The following F5 variants were observed in gnomAD, a reference collection of about 807,000 sequenced individuals.
F5 encodes the protein coagulation factor V.
A neutral mutation model predicts 216.4 loss-of-function variants in F5; 138 were observed. That is an observed-to-expected ratio of 0.64 (90% CI 0.56 to 0.73). The LOEUF is 0.73. Ranked by LOEUF, F5 falls within the 30% of genes least tolerant of loss-of-function variation. The probability of loss-of-function intolerance (pLI) is 0.00; values close to 1 mark genes in which losing one functional copy is unlikely to be tolerated. For synonymous variants in F5, 916 were observed against 930.7 expected (o/e 0.98, Z 0.29); for missense variants, 2,403 against 2,674.0 (o/e 0.90, Z 2.24).
At chr1:169,585,733 T>A (rs1391311023) in intron 1 of F5, among the ~76,000 whole-genome samples, 3 of 152,226 alleles carry the variant, frequency 2.0e-5, no homozygotes, top group Non-Finnish European at 4.4e-5. Context: ...AAGTCATTTA[T>A]AAGGCAGCAA....
In F5 at chr1:169,521,168, C is replaced by T. The variant is rs1659295478; in HGVS notation, c.6049-504G>A. ...CACTGACTTCTGTCCTTTAGTCAAACACCACAGAAAAACCTGAGGCCCCTC... is the reference window on the plus strand; with the variant it reads ...CACTGACTTCTGTCCTTTAGTCAAATACCACAGAAAAACCTGAGGCCCCTC... On this transcript the variant is annotated intron_variant, in intron 21 of 24. Coordinates refer to ENST00000367797, the MANE Select transcript of F5 (RefSeq NM_000130.5). Among the ~76,000 whole-genome samples the T allele has an allele frequency of 2.0e-5, 3 of 152,166 alleles. No individual in the cohort carries two copies. The South Asian group carries it at 6.2e-4, about 32-fold the overall frequency.
intron 3 of F5, among the ~76,000 whole-genome samples, chr1:169,571,059 G>C (rs2101839292): frequency 6.6e-6 from 1 of 151,462 alleles, no homozygotes; most frequent in Admixed American, 6.6e-5. Flanking sequence ...ATATTTAAAT[G>C]TGAACCATGA....
chr1:169,533,854 A>AACT (rs1354036678), intron 14 of F5, among the ~76,000 whole-genome samples: 2 of 152,098 alleles, frequency 1.3e-5, no homozygotes, highest in Non-Finnish European at 2.9e-5. Context: ...TTTGAAACAG[A>AACT]ACTACTATTT....
At chr1:169,525,523 A>G (rs1047392873) in intron 18 of F5, among the ~76,000 whole-genome samples, 2 of 152,174 alleles carry the variant, frequency 1.3e-5, no homozygotes, top group African/African-American at 2.4e-5. Context: ...GGATGAACAG[A>G]TGGACAGATG....
intron 3 of F5, among the ~76,000 whole-genome samples, chr1:169,565,684 G>A (rs1366939529): frequency 6.6e-6 from 1 of 152,084 alleles, no homozygotes. Flanking sequence ...GAATTTTGTT[G>A]GATCTGGATC....
rs766901511 is a variant in F5 at position 169,586,195 on chromosome 1, A to G, written c.158+34T>C. ...CTAAAAGAAATAGATTTTCCTCTCT[A>G]GAGAAGCCCACCCGGACTCCACACC... is the stretch of plus-strand genomic sequence containing the variant. On this transcript the variant is annotated intron_variant, in intron 1 of 24. Coordinates refer to ENST00000367797, the MANE Select transcript of F5 (RefSeq NM_000130.5). The G allele has an allele frequency of 7.4e-6, 12 of 1,612,912 alleles. No homozygotes were observed. The South Asian group carries it at 1.3e-4, about 18-fold the overall frequency.
rs111310239 is a variant in F5 at position 169,564,610 on chromosome 1, T to A, written c.374-3844A>T. Among the ~76,000 whole-genome samples the A allele has an allele frequency of 4.9e-4, 74 of 152,210 alleles. No individual in the cohort carries two copies. The Middle Eastern group carries it at 0.01, about 21-fold the overall frequency. The stretch of plus-strand genomic sequence containing the variant: ...TGTTGAGAAAAAGGGTAAATCTGGT[T>A]CCTTATGTTCTGAAGCCAAAGTCTG... On this transcript the variant is annotated intron_variant, in intron 3 of 24. Transcript: ENST00000367797.
chr1:169,533,747 T>C (rs1037004192), intron 14 of F5, among the ~76,000 whole-genome samples: 5 of 152,074 alleles, frequency 3.3e-5, no homozygotes, highest in African/African-American at 1.2e-4. Context: ...AAAAAATAGA[T>C]GCTGGTGAGG....
chr1:169,536,399 G>T, intron 14 of F5, 107 bp downstream of exon 14: 1 of 930,446 alleles, frequency 1.1e-6, no homozygotes, highest in Non-Finnish European at 1.7e-6. Context: ...CATTAATCCT[G>T]GAAAACAAAC....
chr1:169,582,297 T>A, intron 2 of F5, 134 bp downstream of exon 2: 1 of 518,196 alleles, frequency 1.9e-6, no homozygotes, highest in Non-Finnish European at 3.4e-6. Flanking sequence ...ACATATTATG[T>A]AGCCAGTACT....
chr1:169,549,251 G>A (rs954738206), intron 10 of F5, among the ~76,000 whole-genome samples: 1 of 152,088 alleles, frequency 6.6e-6, no homozygotes, highest in Non-Finnish European at 1.5e-5. Context: ...CAGTATCTTT[G>A]TTCACATTCT....
At chr1:169,584,711 A>G (rs1661064858) in intron 1 of F5, among the ~76,000 whole-genome samples, 1 of 152,366 alleles carries the variant, frequency 6.6e-6, no homozygotes, top group Non-Finnish European at 1.5e-5. Context: ...AGCCAGATAT[A>G]TGGATTAGAT....
In F5 at chr1:169,542,459, C is replaced by T. The variant is rs145436688; in HGVS notation, c.2631G>A (p.Lys877=). ...GPKVERDQAA[K]HRFSWMKLLA... ...GTAATTTCATCCAGGAGAACCTGTGCTTTGCTGCTTGATCTCTTTCTACCT... is the reference window on the plus strand; with the variant it reads ...GTAATTTCATCCAGGAGAACCTGTGTTTTGCTGCTTGATCTCTTTCTACCT... The change falls in exon 13 of 25, where the codon AAG becomes AAA. Residue 877 remains lysine, a synonymous_variant. Coordinates refer to ENST00000367797, the MANE Select transcript of F5 (RefSeq NM_000130.5). The T allele has an allele frequency of 6.6e-5, 107 of 1,613,986 alleles. No individual in the cohort carries two copies. The highest frequency in any genetic ancestry group is 8.6e-5 in the Non-Finnish European group (102 of 1,180,002).
chr1:169,544,357 C>T lies in F5; in HGVS notation c.1914G>A (p.Glu638=). The T allele has an allele frequency of 6.2e-7, 1 of 1,614,124 alleles. No homozygotes were observed. The highest frequency in any genetic ancestry group is 8.5e-7 in the Non-Finnish European group (1 of 1,180,000). Residue 638 remains glutamate (E), a synonymous_variant, in exon 12 of 25, where the codon GAG becomes GAA. Coordinates refer to ENST00000367797, the MANE Select transcript of F5 (RefSeq NM_000130.5). Reference sequence around the variant, plus strand: ...GCATGGGGAAGAGGGTCAAGGTGTCCTCATGCCTCTTTCCATAGATGAATG... The same window carrying T: ...GCATGGGGAAGAGGGTCAAGGTGTCTTCATGCCTCTTTCCATAGATGAATG... ...GHSFIYGKRH[E]DTLTLFPMRG...
At chr1:169,515,007 G>C (rs9332672) in intron 24 of F5, among the ~76,000 whole-genome samples, 5 of 152,106 alleles carry the variant, frequency 3.3e-5, no homozygotes, top group African/African-American at 1.2e-4. Flanking sequence ...GTATGTCAAC[G>C]TAAGTGCATA....
intron 9 of F5, among the ~76,000 whole-genome samples, chr1:169,550,383 G>A (rs1183114847): frequency 6.7e-6 from 1 of 148,978 alleles, no homozygotes; most frequent in African/African-American, 2.5e-5. Context: ...ATTCTACTTG[G>A]AACCTGGATA....
chr1:169,568,062 T>C (rs1363962769), intron 3 of F5, among the ~76,000 whole-genome samples: 2 of 152,172 alleles, frequency 1.3e-5, no homozygotes, highest in Admixed American at 1.3e-4. Context: ...TAAAAAATTA[T>C]TGTATATACT....
Position 169,529,790 on chromosome 1 carries a change from C to A in F5, c.5237G>T (p.Gly1746Val). Reference sequence around the variant, plus strand: ...TCCTTTTTGGCAGATTAGGAGGGGACCTATCAAGCCTGAGTGAATATCTTT... The same window carrying A: ...TCCTTTTTGGCAGATTAGGAGGGGAACTATCAAGCCTGAGTGAATATCTTT... ...PEKDIHSGLI[G>V]PLLICQKGIL... The change falls in exon 16 of 25, where the codon GGT becomes GTT. Residue 1746 changes from glycine to valine, a missense_variant. Transcript: ENST00000367797. The A allele has an allele frequency of 6.2e-7, 1 of 1,613,416 alleles. No homozygotes were observed. The highest frequency in any genetic ancestry group is 8.5e-7 in the Non-Finnish European group (1 of 1,179,630).
At position 169,543,018 on chromosome 1, in the gene F5, T is replaced by G. The variant is rs1659908049; in HGVS notation, c.2072A>C (p.Asp691Ala). The G allele has an allele frequency of 6.2e-7, 1 of 1,613,926 alleles. No individual in the cohort carries two copies. The highest frequency in any genetic ancestry group is 1.7e-4 in the Middle Eastern group (1 of 6,060). Reference sequence around the variant, plus strand: ...TGGAGGTTCAAAAATCTCATATGAGTCTTCATCATCATCTGGGATACATTT... The same window carrying G: ...TGGAGGTTCAAAAATCTCATATGAGGCTTCATCATCATCTGGGATACATTT... ...DVKCIPDDDE[D>A]SYEIFEPPES... is the part of the protein sequence containing the mutation. The change falls in exon 13 of 25, where the codon GAC becomes GCC. Residue 691 changes from aspartate to alanine, a missense_variant. Asp to Ala is a moderately radical substitution (Grantham distance 126, BLOSUM62 -2). Transcript: ENST00000367797.
Sources: allele counts gnomAD v4.1 joint callset (sites outside exome capture counted in the v4.1 genomes callset), GRCh38; gene constraint gnomAD v4.1.1; transcripts MANE v1.5; gene names NCBI Gene and HGNC (gene_info 2026-07-23, HGNC 2026-07-21).